GPR158: variants seen among roughly 807,000 people sequenced by gnomAD.
The protein encoded by GPR158 is G protein-coupled receptor 158.
Under a neutral mutation model 78.2 loss-of-function variants are expected in GPR158, and 30 were observed. The observed-to-expected ratio is 0.38, with a 90% CI of 0.29 to 0.52. The LOEUF (loss-of-function observed/expected upper bound fraction) is 0.52. Among genes scored for constraint, GPR158 ranks in the 20% least tolerant of loss-of-function variants. The pLI is 0.83. For synonymous variants in GPR158, 581 were observed against 591.1 expected, an observed-to-expected ratio of 0.98 and a Z score of 0.25; for missense variants, 1,463 against 1,523.5, an observed-to-expected ratio of 0.96 and a Z score of 0.66.
chr10:25,293,354 G>A (rs1028467542), intron 2 of GPR158, among the ~76,000 whole-genome samples: 1 of 152,130 alleles, frequency 6.6e-6, no homozygotes, highest in African/African-American at 2.4e-5. Flanking sequence ...TTACATAGTA[G>A]GTATGGTCTG....
At chr10:25,255,381 C>T (rs1000971964) in intron 2 of GPR158, among the ~76,000 whole-genome samples, 15 of 152,184 alleles carry the variant, frequency 9.9e-5, no homozygotes, top group African/African-American at 3.4e-4. Context: ...GTTCATCATT[C>T]AAACAACAAA....
At chr10:25,250,617 G>A (rs1318891082) in intron 2 of GPR158, among the ~76,000 whole-genome samples, 1 of 150,108 alleles carries the variant, frequency 6.7e-6, no homozygotes, top group African/African-American at 2.5e-5. Flanking sequence ...ATGTAGTTGA[G>A]CGGCTTTGAG....
chr10:25,245,332 C>A (rs993018226), intron 2 of GPR158, among the ~76,000 whole-genome samples: 2 of 152,104 alleles, frequency 1.3e-5, no homozygotes, highest in Admixed American at 6.5e-5. Flanking sequence ...GTCAGTAAAT[C>A]CTATGGTGAG....
chr10:25,354,389 A>G (rs964620461), intron 2 of GPR158, among the ~76,000 whole-genome samples: 1 of 152,026 alleles, frequency 6.6e-6, no homozygotes. Flanking sequence ...GGAGAGGACA[A>G]CTTACCTTAG....
chr10:25,181,602 A>T (rs1852611323), intron 1 of GPR158, among the ~76,000 whole-genome samples: 2 of 152,228 alleles, frequency 1.3e-5, no homozygotes, highest in Non-Finnish European at 2.9e-5. Context: ...CAGAGGCAGG[A>T]GTTGCCTCTT....
intron 5 of GPR158, among the ~76,000 whole-genome samples, chr10:25,538,590 G>GT (rs1426250212): frequency 6.6e-6 from 1 of 152,128 alleles, no homozygotes; most frequent in Non-Finnish European, 1.5e-5. Flanking sequence ...ACTCCTGGCC[G>GT]TAAGTGATCC....
chr10:25,581,348 C>T (rs888205743), intron 7 of GPR158, among the ~76,000 whole-genome samples: 1 of 152,190 alleles, frequency 6.6e-6, no homozygotes, highest in Non-Finnish European at 1.5e-5. Flanking sequence ...GCATGAGCCA[C>T]CATGTGTGAC....
At chr10:25,477,714 C>G (rs1435924250) in intron 5 of GPR158, among the ~76,000 whole-genome samples, 1 of 152,060 alleles carries the variant, frequency 6.6e-6, no homozygotes, top group Non-Finnish European at 1.5e-5. Context: ...TACTTATGAA[C>G]ATAACATTAC....
At chr10:25,335,590 T>G (rs1269355013) in intron 2 of GPR158, among the ~76,000 whole-genome samples, 4 of 152,052 alleles carry the variant, frequency 2.6e-5, no homozygotes, top group Non-Finnish European at 2.9e-5. Flanking sequence ...GAAGACCTTC[T>G]CTCTAGATCA....
chr10:25,400,199 G>GA (rs1834421554), intron 3 of GPR158, among the ~76,000 whole-genome samples: 2 of 152,110 alleles, frequency 1.3e-5, no homozygotes, highest in South Asian at 4.1e-4. Flanking sequence ...ACAATAGGAG[G>GA]AAATTAGTTG....
At chr10:25,514,010 T>A (rs898115871) in intron 5 of GPR158, among the ~76,000 whole-genome samples, 2 of 152,202 alleles carry the variant, frequency 1.3e-5, no homozygotes, top group African/African-American at 2.4e-5. Flanking sequence ...TCAGGTACAA[T>A]GTTCTAAACA....
chr10:25,417,419 C>T (rs1360056021), intron 4 of GPR158, among the ~76,000 whole-genome samples: 1 of 152,144 alleles, frequency 6.6e-6, no homozygotes, highest in Non-Finnish European at 1.5e-5. Context: ...GGTAGACACA[C>T]ATGGTTCTCT....
chr10:25,431,016 T>G (rs1419298244), intron 4 of GPR158, among the ~76,000 whole-genome samples: 1 of 145,580 alleles, frequency 6.9e-6, no homozygotes. Flanking sequence ...ACAAATGGGA[T>G]CTAATTAAAT....
intron 2 of GPR158, among the ~76,000 whole-genome samples, chr10:25,279,755 G>C (rs1008909146): frequency 6.6e-5 from 10 of 152,134 alleles, no homozygotes. Flanking sequence ...AAGGACTTCA[G>C]CTCTTTCTCT....
At chr10:25,509,394 C>T (rs1416242621) in intron 5 of GPR158, among the ~76,000 whole-genome samples, 3 of 152,194 alleles carry the variant, frequency 2.0e-5, no homozygotes, top group Admixed American at 6.5e-5. Context: ...TTATTATGCC[C>T]GTGGAATCTG....
chr10:25,573,554 A>G (rs1393791810), intron 7 of GPR158, among the ~76,000 whole-genome samples: 1 of 152,244 alleles, frequency 6.6e-6, no homozygotes, highest in African/African-American at 2.4e-5. Context: ...AGTGTTTTGA[A>G]AAAAGGAGGA....
At chr10:25,485,142 C>T (rs576933489) in intron 5 of GPR158, among the ~76,000 whole-genome samples, 65 of 151,232 alleles carry the variant, frequency 4.3e-4, no homozygotes, top group African/African-American at 1.5e-3. Flanking sequence ...TGTTAGAGTT[C>T]AGCAATGTGT....
chr10:25,448,233 C>T (rs534086039), intron 4 of GPR158, among the ~76,000 whole-genome samples: 26 of 151,794 alleles, frequency 1.7e-4, no homozygotes, highest in Admixed American at 4.6e-4. Context: ...TACAGGTGCC[C>T]GCCACCACGC....
chr10:25,514,883 G>T (rs1428195723), intron 5 of GPR158, among the ~76,000 whole-genome samples: 1 of 152,250 alleles, frequency 6.6e-6, no homozygotes, highest in East Asian at 1.9e-4. Flanking sequence ...TGATAATTCT[G>T]CTGTTAACTT....
Sources: allele counts gnomAD v4.1 joint callset (sites outside exome capture counted in the v4.1 genomes callset), GRCh38; gene constraint gnomAD v4.1.1; transcripts MANE v1.5; gene names NCBI Gene and HGNC (gene_info 2026-07-23, HGNC 2026-07-21).